SLC9A9: variants seen among roughly 807,000 people sequenced by gnomAD.
SLC9A9 encodes sodium/hydrogen exchanger 9.
Under a neutral mutation model 77.8 loss-of-function variants are expected in SLC9A9, and 62 were observed. That is an observed-to-expected ratio of 0.80 (90% CI 0.65 to 0.98). The LOEUF (loss-of-function observed/expected upper bound fraction) is 0.98. SLC9A9 is among the 50% of genes least tolerant of loss of function. The pLI is 0.00. For synonymous variants in SLC9A9, 320 were observed against 283.5 expected (o/e 1.13, Z -1.29); for missense variants, 775 against 774.9 (o/e 1.00, Z 0.00).
rs978110502 is a variant in SLC9A9 at position 143,266,240 on chromosome 3, T to C, written c.*462A>G. The C allele has an allele frequency of 1.6e-6, 1 of 625,354 alleles. No individual in the cohort carries two copies. Among genetic ancestry groups the C allele is most frequent in the African/African-American group, 1.8e-5 (1 of 54,434 alleles). The allele number at this position is 625,354 out of a possible 1,614,324, so 38.7% of individuals were successfully genotyped here. The stretch of plus-strand genomic sequence containing the variant: ...TCAAGTCCTCAAAATAAGAAACTTA[T>C]CACTTACTAAATAGCTGGGCATTCC... On this transcript the variant is annotated 3_prime_UTR_variant, in exon 16 of 16. Coordinates refer to ENST00000316549, the MANE Select transcript of SLC9A9 (RefSeq NM_173653.4).
intron 14 of SLC9A9, among the ~76,000 whole-genome samples, chr3:143,335,336 T>G (rs1181908087): frequency 1.3e-5 from 2 of 152,188 alleles, no homozygotes; most frequent in Non-Finnish European, 2.9e-5. Context: ...ATTGTTAAAA[T>G]GTTTATACTG....
intron 8 of SLC9A9, among the ~76,000 whole-genome samples, chr3:143,571,308 C>T (rs961892130): frequency 6.6e-6 from 1 of 152,162 alleles, no homozygotes; most frequent in African/African-American, 2.4e-5. Flanking sequence ...GTTGTCTATT[C>T]ATGCAGAAAT....
At chr3:143,322,048 G>C (rs1032664100) in intron 14 of SLC9A9, among the ~76,000 whole-genome samples, 3 of 152,218 alleles carry the variant, frequency 2.0e-5, no homozygotes, top group African/African-American at 7.2e-5. Context: ...AGAAGGGCTA[G>C]TTGTTGGAAG....
chr3:143,408,978 C>T (rs140895484), intron 12 of SLC9A9, among the ~76,000 whole-genome samples: 164 of 152,276 alleles, frequency 1.1e-3, no homozygotes, highest in South Asian at 2.3e-3. Flanking sequence ...GAACCCCTGC[C>T]GGGACCGCAT....
chr3:143,268,784 A>G, intron 15 of SLC9A9, 91 bp downstream of exon 15: 1 of 695,098 alleles, frequency 1.4e-6, no homozygotes, highest in Non-Finnish European at 2.5e-6. Context: ...TGCAAGTAGC[A>G]GGCTTTTTGA....
At chr3:143,483,584 T>C (rs1205393471) in intron 11 of SLC9A9, among the ~76,000 whole-genome samples, 1 of 152,202 alleles carries the variant, frequency 6.6e-6, no homozygotes, top group African/African-American at 2.4e-5. Context: ...CAAAATATCT[T>C]ACTTATGCAA....
intron 6 of SLC9A9, among the ~76,000 whole-genome samples, chr3:143,629,012 T>C (rs772462573): frequency 2.0e-5 from 3 of 152,206 alleles, no homozygotes; most frequent in Admixed American, 6.5e-5. Context: ...AATTTAACTA[T>C]TTAGTCTTTT....
intron 1 of SLC9A9, among the ~76,000 whole-genome samples, chr3:143,846,336 A>C (rs148819821): frequency 6.0e-4 from 92 of 152,350 alleles, no homozygotes; most frequent in African/African-American, 2.2e-3. Context: ...TATGATATCA[A>C]GAATTACATT....
chr3:143,707,131 A>T (rs566084016), intron 4 of SLC9A9, among the ~76,000 whole-genome samples: 168 of 152,254 alleles, frequency 1.1e-3, no homozygotes, highest in African/African-American at 3.9e-3. Context: ...GCCATCGCTC[A>T]AACAGCTACA....
chr3:143,544,998 C>T (rs1006864423), intron 9 of SLC9A9, among the ~76,000 whole-genome samples: 8 of 152,044 alleles, frequency 5.3e-5, no homozygotes, highest in African/African-American at 1.2e-4. Context: ...GCTTTATTTC[C>T]GGGTTCTCTA....
intron 2 of SLC9A9, among the ~76,000 whole-genome samples, chr3:143,829,423 C>T (rs1280789451): frequency 6.6e-6 from 1 of 152,158 alleles, no homozygotes; most frequent in Non-Finnish European, 1.5e-5. Flanking sequence ...TTCCAGTCCA[C>T]CCTGCCCTGA....
chr3:143,445,511 T>C lies in SLC9A9; in HGVS notation c.1469+21526A>G, dbSNP rs542117194. Among the ~76,000 whole-genome samples, 4 of 152,328 alleles carry C rather than the reference T, an allele frequency of 2.6e-5. No individual in the cohort carries two copies. The East Asian group carries it at 7.7e-4, about 29-fold the overall frequency. ...TTTCCTCTGCTACAAGAGAATAGCA[T>C]GCTACGGATGGGACTGCTCCTTTAG... On this transcript the variant is annotated intron_variant, in intron 12 of 15. Transcript: ENST00000316549.
intron 13 of SLC9A9, among the ~76,000 whole-genome samples, chr3:143,371,722 T>C (rs1347168275): frequency 1.3e-5 from 2 of 152,106 alleles, no homozygotes; most frequent in Non-Finnish European, 2.9e-5. Flanking sequence ...AATTCTAGAA[T>C]CAGGCAAGGG....
intron 4 of SLC9A9, among the ~76,000 whole-genome samples, chr3:143,712,372 G>T (rs1444668036): frequency 6.6e-6 from 1 of 152,192 alleles, no homozygotes; most frequent in Non-Finnish European, 1.5e-5. Flanking sequence ...GAAGAGGAAA[G>T]AATTAAGTTT....
intron 4 of SLC9A9, among the ~76,000 whole-genome samples, chr3:143,744,800 T>C (rs1935166524): frequency 6.6e-6 from 1 of 152,054 alleles, no homozygotes. Context: ...AGGAAAGAGG[T>C]ATGAGCCTGG....
At chr3:143,439,342 C>G (rs756902147) in intron 12 of SLC9A9, among the ~76,000 whole-genome samples, 6 of 152,224 alleles carry the variant, frequency 3.9e-5, no homozygotes, top group Non-Finnish European at 8.8e-5. Context: ...TAGACTGCCT[C>G]TGAGCCGGTC....
intron 14 of SLC9A9, among the ~76,000 whole-genome samples, chr3:143,348,755 T>C (rs1017215233): frequency 6.6e-6 from 1 of 152,260 alleles, no homozygotes; most frequent in Admixed American, 6.5e-5. Flanking sequence ...GAGAATACCA[T>C]ATGAGAATCA....
Position 143,640,582 on chromosome 3 carries a change from C to T in SLC9A9, c.755+11673G>A, listed in dbSNP as rs550096200. On this transcript the variant is annotated intron_variant, in intron 6 of 15. Coordinates refer to ENST00000316549, the MANE Select transcript of SLC9A9 (RefSeq NM_173653.4). Reference sequence around the variant, plus strand: ...CTTTCTCTCAAAACTGGTTTTAGGCCGGGCATGGTGGCTCACAACTGTAAT... The same window carrying T: ...CTTTCTCTCAAAACTGGTTTTAGGCTGGGCATGGTGGCTCACAACTGTAAT... 5.2e-4 allele frequency among the ~76,000 whole-genome samples: 79 copies of T among 151,870 alleles called. No homozygotes were observed. In the South Asian group the frequency reaches 0.016, roughly 31 times the overall value.
intron 2 of SLC9A9, among the ~76,000 whole-genome samples, chr3:143,808,646 T>C (rs898435700): frequency 1.2e-4 from 19 of 152,128 alleles, no homozygotes; most frequent in Non-Finnish European, 2.4e-4. Context: ...ATATAAACTA[T>C]TTGGAGTAGT....
Sources: gnomAD v4.1 joint callset for allele counts (sites outside exome capture counted in the v4.1 genomes callset) on GRCh38, gnomAD v4.1.1 for gene constraint, MANE v1.5 for transcripts, NCBI Gene and HGNC (gene_info 2026-07-23, HGNC 2026-07-21) for gene names.